Variants in YEATS2 observed in about 807,000 individuals in gnomAD.
YEATS2 encodes YEATS domain containing 2.
Under a neutral mutation model 163.2 loss-of-function variants are expected in YEATS2, and 77 were observed. The ratio of observed to expected loss-of-function variants is 0.47; its 90% CI spans 0.39 to 0.57. The LOEUF (loss-of-function observed/expected upper bound fraction) is 0.57, where lower values mean the gene tolerates loss of function less well. YEATS2 is among the 20% of genes least tolerant of loss of function. The pLI is 0.00. For missense variants in YEATS2, 1,549 were observed against 1,729.8 expected (o/e 0.90, Z 1.85); for synonymous variants, 631 against 645.1 (o/e 0.98, Z 0.33).
chr3:183,772,260 T>C, intron 15 of YEATS2, 45 bp from the exon 16 acceptor site: 1 of 1,607,878 alleles, frequency 6.2e-7, no homozygotes, highest in South Asian at 1.1e-5. Context: ...ACTGCTGTTC[T>C]AAGAGCTCTC....
In YEATS2 at chr3:183,762,208, G is replaced by A. The variant is rs940187815; in HGVS notation, c.1876G>A (p.Val626Met). ...VTVKGGHMIA[V>M]SPQKQVITPG... ...TGTGAAAGGGGGTCACATGATAGCTGTGTCCCCTCAAAAACAGGTCATAAC... is the reference window on the plus strand; with the variant it reads ...TGTGAAAGGGGGTCACATGATAGCTATGTCCCCTCAAAAACAGGTCATAAC... The change falls in exon 15 of 31, where the codon GTG (valine) becomes ATG (methionine). Residue 626 changes from valine to methionine, a missense_variant. Transcript: ENST00000305135. 5 of 1,614,034 alleles carry A rather than the reference G, an allele frequency of 3.1e-6. No individual in the cohort carries two copies. Among genetic ancestry groups the A allele is most frequent in the Admixed American group, 1.7e-5 (1 of 60,004 alleles).
intron 6 of YEATS2, among the ~76,000 whole-genome samples, chr3:183,726,508 C>T (rs995360914): frequency 6.6e-6 from 1 of 152,042 alleles, no homozygotes; most frequent in Non-Finnish European, 1.5e-5. Context: ...GTTATAAATC[C>T]TCTAAAAACA....
chr3:183,798,145 C>G, intron 22 of YEATS2, 94 bp downstream of exon 22: 1 of 1,546,780 alleles, frequency 6.5e-7, no homozygotes, highest in Non-Finnish European at 8.8e-7. Flanking sequence ...TGTACAGCCA[C>G]CCTTCAGCTG....
At chr3:183,747,820 C>T in intron 9 of YEATS2, 104 bp downstream of exon 9, 1 of 1,089,174 alleles carries the variant, frequency 9.2e-7, no homozygotes, top group East Asian at 2.9e-5. Context: ...CGCTCTGTCA[C>T]CCAGGCTGGA....
At chr3:183,796,431 T>C (rs1191046913) in intron 21 of YEATS2, among the ~76,000 whole-genome samples, 1 of 151,704 alleles carries the variant, frequency 6.6e-6, no homozygotes, top group African/African-American at 2.4e-5. Context: ...AATGGGAATA[T>C]AGAAATCACC....
intron 9 of YEATS2, 94 bp downstream of exon 9, chr3:183,747,810 C>T (rs970182435): frequency 2.2e-4 from 261 of 1,182,128 alleles, no homozygotes; most frequent in Non-Finnish European, 2.8e-4. Context: ...ACGGGGTCTT[C>T]GCTCTGTCAC....
chr3:183,728,311 T>G (rs567925393), intron 6 of YEATS2, among the ~76,000 whole-genome samples: 8 of 152,290 alleles, frequency 5.3e-5, no homozygotes, highest in Admixed American at 1.3e-4. Context: ...AGGCATTGTC[T>G]TCTTCTATCC....
rs263042 is a variant in YEATS2, at chr3:183,803,345, A to G, written c.3582+10A>G. The G allele has an allele frequency of 0.47, 750,099 of 1,604,544 alleles. 177,592 individuals carry two copies. The highest frequency in any genetic ancestry group is 0.67 in the East Asian group (29,911 of 44,740). Reference sequence around the variant, plus strand: ...AAGGAGAGCCGCTGAGGTAACCCACATCTGCCTGTCCACTCTGGCTGCCTC... The same window carrying G: ...AAGGAGAGCCGCTGAGGTAACCCACGTCTGCCTGTCCACTCTGGCTGCCTC... On this transcript the variant is annotated intron_variant, in intron 26 of 30. Transcript: ENST00000305135.
chr3:183,709,897 G>A (rs1259196300), intron 1 of YEATS2, among the ~76,000 whole-genome samples: 1 of 150,868 alleles, frequency 6.6e-6, no homozygotes, highest in Non-Finnish European at 1.5e-5. Flanking sequence ...AGCCAGGATG[G>A]TCTTCATCTC....
intron 9 of YEATS2, 113 bp from the exon 10 acceptor site, chr3:183,751,960 G>A (rs1720210120): frequency 1.7e-6 from 2 of 1,184,556 alleles, no homozygotes; most frequent in African/African-American, 1.5e-5. Context: ...TGCCTTTGAA[G>A]TGTGATTAGA....
Position 183,762,116 on chromosome 3 carries a change from C to A in YEATS2, c.1784C>A (p.Pro595His). 1 of 1,614,090 alleles carries A rather than the reference C, an allele frequency of 6.2e-7. No individual in the cohort carries two copies. The highest frequency in any genetic ancestry group is 8.5e-7 in the Non-Finnish European group (1 of 1,180,010). The stretch of plus-strand genomic sequence containing the variant: ...TGCAAGGTGATCATCAAACAGGAAC[C>A]TGGTGAAGCCCCTCACGTGCCCGCA... ...AFTKVIIKQE[P>H]GEAPHVPATG... is the part of the protein sequence containing the mutation. Residue 595 changes from proline (P) to histidine (H), a missense_variant, in exon 15 of 31, where the codon CCT becomes CAT. Coordinates refer to ENST00000305135, the MANE Select transcript of YEATS2 (RefSeq NM_018023.5).
intron 17 of YEATS2, among the ~76,000 whole-genome samples, chr3:183,775,464 A>C (rs1722889274): frequency 6.6e-6 from 1 of 152,146 alleles, no homozygotes; most frequent in Non-Finnish European, 1.5e-5. Context: ...GCATGGTGGC[A>C]CACGCCTGTA....
intron 19 of YEATS2, among the ~76,000 whole-genome samples, chr3:183,779,613 C>T (rs2108427582): frequency 1.3e-5 from 2 of 152,310 alleles, no homozygotes; most frequent in South Asian, 4.1e-4. Flanking sequence ...TGCTTTATAG[C>T]CCTCTGTTTC....
At chr3:183,807,625 C>A in intron 28 of YEATS2, 1 of 213,446 alleles carries the variant, frequency 4.7e-6, no homozygotes, top group South Asian at 7.1e-5. Context: ...GCTCAGGGCC[C>A]AAGGTGAAAG....
intron 28 of YEATS2, chr3:183,807,540 A>C (rs1482462110): frequency 4.3e-6 from 1 of 233,698 alleles, no homozygotes; most frequent in Non-Finnish European, 8.5e-6. Flanking sequence ...GATGGCGTGC[A>C]CCTGCCTTAC....
chr3:183,718,798 G>A (rs1399576035), intron 4 of YEATS2, among the ~76,000 whole-genome samples: 2 of 152,280 alleles, frequency 1.3e-5, no homozygotes, highest in Admixed American at 6.5e-5. Flanking sequence ...AAGTTCAGGC[G>A]ATTCTCCTGC....
At chr3:183,757,438 G>A (rs1401101238) in intron 12 of YEATS2, among the ~76,000 whole-genome samples, 1 of 151,972 alleles carries the variant, frequency 6.6e-6, no homozygotes, top group Non-Finnish European at 1.5e-5. Context: ...TTACAGGCGT[G>A]CACCACCACG....
intron 12 of YEATS2, among the ~76,000 whole-genome samples, chr3:183,757,694 G>A (rs1720914127): frequency 6.6e-6 from 1 of 151,914 alleles, no homozygotes; most frequent in Non-Finnish European, 1.5e-5. Context: ...ATAAGATAAT[G>A]AGACTGATTT....
At chr3:183,760,313 A>ATTTTTTTTT (rs11417378) in intron 13 of YEATS2, among the ~76,000 whole-genome samples, 2 of 110,314 alleles carry the variant, frequency 1.8e-5, no homozygotes, top group African/African-American at 3.6e-5. Flanking sequence ...AAACTACAGA[A>ATTTTTTTTT]TTTTTTTTTT....
Sources: gnomAD v4.1 joint callset for allele counts (sites outside exome capture counted in the v4.1 genomes callset) on GRCh38, gnomAD v4.1.1 for gene constraint, MANE v1.5 for transcripts, NCBI Gene and HGNC (gene_info 2026-07-23, HGNC 2026-07-21) for gene names.